SETX: variants seen among roughly 807,000 people sequenced by gnomAD.
SETX encodes helicase senataxin.
SETX carries 90 observed loss-of-function variants against 227.2 expected under a neutral mutation model. The ratio of observed to expected loss-of-function variants is 0.40; its 90% confidence interval spans 0.33 to 0.47. The LOEUF (loss-of-function observed/expected upper bound fraction) is 0.47, where lower values mean the gene tolerates loss of function less well. Among genes scored for constraint, SETX ranks in the 20% least tolerant of loss-of-function variants. The pLI is 0.91. For missense variants in SETX, 3,052 were observed against 3,181.5 expected (o/e 0.96, Z 0.98); for synonymous variants, 1,210 against 1,113.2 (o/e 1.09, Z -1.73).
chr9:132,285,783 G>A (rs1843830533), intron 18 of SETX, among the ~76,000 whole-genome samples: 1 of 150,148 alleles, frequency 6.7e-6, no homozygotes, highest in African/African-American at 2.5e-5. Context: ...GGGAGGCTGA[G>A]GCAGGAGAAT....
At chr9:132,350,522 C>T (rs982354408) in intron 2 of SETX, among the ~76,000 whole-genome samples, 2 of 152,126 alleles carry the variant, frequency 1.3e-5, no homozygotes, top group African/African-American at 4.8e-5. Flanking sequence ...GCTGAGGCTT[C>T]TGTGGCATAA....
In SETX at chr9:132,330,465, T is replaced by C. The variant is rs776119514; in HGVS notation, c.1133A>G (p.Tyr378Cys). The C allele has an allele frequency of 8.1e-6, 13 of 1,613,712 alleles. No homozygotes were observed. Among genetic ancestry groups the C allele is most frequent in the Non-Finnish European group, 1.0e-5 (12 of 1,179,982 alleles). ...CATTTCTTCATACATGTTAGGACAA[T>C]AATCTGGGCAAATGGCTGTTCTCCA... is the stretch of plus-strand genomic sequence containing the variant. ...SGWRTAICPD[Y>C]CPNMYEEMET... Residue 378 changes from tyrosine to cysteine, a missense_variant, in exon 10 of 26, where the codon TAT becomes TGT. Around this residue, in one of 10 missense-constraint regions of SETX, gnomAD observed 39 missense variants for 84.8 expected, o/e 0.46. Transcript: ENST00000224140.
intron 10 of SETX, among the ~76,000 whole-genome samples, chr9:132,319,378 C>G (rs563238434): frequency 6.6e-6 from 1 of 152,166 alleles, no homozygotes; most frequent in African/African-American, 2.4e-5. Context: ...ACTATTCCCC[C>G]AGTCTAAATG....
intron 2 of SETX, among the ~76,000 whole-genome samples, chr9:132,352,171 C>T (rs1261171407): frequency 1.3e-5 from 2 of 152,186 alleles, no homozygotes; most frequent in Non-Finnish European, 2.9e-5. Context: ...CCCTAACAAT[C>T]TTTACATTAC....
Position 132,324,005 on chromosome 9 carries a change from T to TAAA in SETX, c.5274+2318_5274+2319insTTT, listed in dbSNP as rs571931279. Among the ~76,000 whole-genome samples, 127 of 152,286 alleles carry TAAA rather than the reference T, an allele frequency of 8.3e-4. 1 individual carries two copies. Among genetic ancestry groups the TAAA allele is most frequent in the African/African-American group, 3.1e-3 (127 of 41,576 alleles). On this transcript the variant is annotated intron_variant, in intron 10 of 25. Coordinates refer to ENST00000224140, the MANE Select transcript of SETX (RefSeq NM_015046.7). Reference sequence around the variant, plus strand: ...GGGGATGAGGGGTGCCTGATGTTCTTTATAATGGGCCAGATAGAAATCTTT... The same window carrying TAAA: ...GGGGATGAGGGGTGCCTGATGTTCTTAAATATAATGGGCCAGATAGAAATCTTT...
intron 10 of SETX, among the ~76,000 whole-genome samples, chr9:132,324,897 T>C (rs1325314179): frequency 6.6e-6 from 1 of 152,230 alleles, no homozygotes; most frequent in African/African-American, 2.4e-5. Flanking sequence ...AAAATCCTTC[T>C]AAACGCAGTT....
At chr9:132,272,110 T>G (rs181371517) in intron 23 of SETX, among the ~76,000 whole-genome samples, 65 of 152,158 alleles carry the variant, frequency 4.3e-4, no homozygotes, top group Non-Finnish European at 6.0e-4. Context: ...GACCTCATGA[T>G]CCGCCCGCCT....
rs531699371 is a variant in SETX at position 132,303,959 on chromosome 9, T to A, written c.5375-3156A>T. 1.4e-4 allele frequency among the ~76,000 whole-genome samples: 22 copies of A among 152,194 alleles called. No homozygotes were observed. In the South Asian group the frequency reaches 4.6e-3, roughly 32 times the overall value. ...CAACATGGTGAAACCCTGTTTCTAC[T>A]AAAAATACAAAAATTAGTCAGGCAT... On this transcript the variant is annotated intron_variant, in intron 11 of 25. Coordinates refer to ENST00000224140, the MANE Select transcript of SETX (RefSeq NM_015046.7).
In SETX at chr9:132,326,549, T is replaced by C; in HGVS notation, c.5049A>G (p.Pro1683=). 1.2e-6 allele frequency: 2 copies of C among 1,614,126 alleles called. No homozygotes were observed. The highest frequency in any genetic ancestry group is 1.7e-6 in the Non-Finnish European group (2 of 1,180,002). ...KVPFGESKYF[P]SSSPVNILLS... ...AAAGAATGTTTACTGGAGAGGAAGA[T>C]GGAAAATATTTGCTTTCACCAAATG... The change falls in exon 10 of 26, where the codon CCA becomes CCG. Residue 1683 remains proline (P), a synonymous_variant. Transcript: ENST00000224140.
chr9:132,281,910 T>C (rs1036849580), intron 19 of SETX, among the ~76,000 whole-genome samples: 2 of 150,712 alleles, frequency 1.3e-5, no homozygotes, highest in Non-Finnish European at 2.9e-5. Flanking sequence ...TAATCCCAGC[T>C]ACTTGGGAGG....
At chr9:132,335,115 G>A (rs183110967) in intron 6 of SETX, among the ~76,000 whole-genome samples, 54 of 152,188 alleles carry the variant, frequency 3.5e-4, no homozygotes, top group Admixed American at 1.3e-3. Context: ...TTGAGGCCGG[G>A]CGTGGTGGCT....
At chr9:132,340,657 G>C (rs569247499) in intron 5 of SETX, among the ~76,000 whole-genome samples, 47 of 152,300 alleles carry the variant, frequency 3.1e-4, no homozygotes, top group African/African-American at 1.1e-3. Flanking sequence ...CCAAGTCCTG[G>C]GGTTAAGAGG....
intron 13 of SETX, 144 bp from the exon 14 acceptor site, chr9:132,297,198 A>C: frequency 1.5e-6 from 1 of 680,708 alleles, no homozygotes; most frequent in Non-Finnish European, 2.5e-6. Context: ...AAGGACACCA[A>C]AGTGACCTTT....
Position 132,264,842 on chromosome 9 carries a change from A to T in SETX, c.7431T>A (p.Pro2477=), listed in dbSNP as rs768497632. 23 of 1,614,030 alleles carry T rather than the reference A, an allele frequency of 1.4e-5. No individual in the cohort carries two copies. Among genetic ancestry groups the T allele is most frequent in the Non-Finnish European group, 1.9e-5 (22 of 1,180,028 alleles). ...PVLQRSLTHP[P]TIAPEGSRPQ... ...GTCTGGACCCCTCTGGGGCTATGGT[A>T]GGAGGGTGAGTGAGACTTCTCTGCA... The change falls in exon 26 of 26, where the codon CCT becomes CCA. Residue 2477 remains proline (P), a synonymous_variant. Transcript: ENST00000224140.
At chr9:132,294,840 C>T (rs907490383) in intron 15 of SETX, among the ~76,000 whole-genome samples, 1 of 152,186 alleles carries the variant, frequency 6.6e-6, no homozygotes, top group Non-Finnish European at 1.5e-5. Flanking sequence ...CTCTCTAAGG[C>T]AGAGTAGCCA....
chr9:132,323,880 G>C (rs1273418982), intron 10 of SETX, among the ~76,000 whole-genome samples: 1 of 151,962 alleles, frequency 6.6e-6, no homozygotes, highest in Non-Finnish European at 1.5e-5. Context: ...TCCAGCCTGG[G>C]GGACAGGAGT....
In SETX at chr9:132,261,934, A is replaced by T. The variant is rs183755878; in HGVS notation, c.*2305T>A. Reference sequence around the variant, plus strand: ...TGTAAAAAGAATAGCCCTGTTCAACAACGCTGCGCTGACAGCCACATCAGG... The same window carrying T: ...TGTAAAAAGAATAGCCCTGTTCAACTACGCTGCGCTGACAGCCACATCAGG... On this transcript the variant is annotated 3_prime_UTR_variant, in exon 26 of 26. Coordinates refer to ENST00000224140, the MANE Select transcript of SETX (RefSeq NM_015046.7). 22 of 154,564 alleles carry T rather than the reference A, an allele frequency of 1.4e-4. No homozygotes were observed. Among genetic ancestry groups the T allele is most frequent in the African/African-American group, 5.0e-4 (21 of 41,672 alleles). 9.6% of individuals were successfully genotyped at this position (154,564 alleles called of 1,614,324 possible).
chr9:132,274,445 T>C (rs974176381), intron 23 of SETX, among the ~76,000 whole-genome samples: 1 of 150,204 alleles, frequency 6.7e-6, no homozygotes, highest in Non-Finnish European at 1.5e-5. Flanking sequence ...TTTTTCTTTT[T>C]TTTTTTTTTT....
chr9:132,268,659 C>T (rs1313973877), intron 25 of SETX, among the ~76,000 whole-genome samples: 1 of 152,160 alleles, frequency 6.6e-6, no homozygotes, highest in Non-Finnish European at 1.5e-5. Flanking sequence ...ATATTGCTTT[C>T]TATTCCACTG....
Sources: gnomAD v4.1 joint callset for allele counts (sites outside exome capture counted in the v4.1 genomes callset) on GRCh38, gnomAD v4.1.1 for gene constraint, gnomAD v4.1.1 regional missense constraint, MANE v1.5 for transcripts, NCBI Gene and HGNC (gene_info 2026-07-23, HGNC 2026-07-21) for gene names.